The following ENTREP2 variants were observed in gnomAD, a reference collection of about 807,000 sequenced individuals.
ENTREP2 encodes the protein endosomal transmembrane epsin interactor 2.
chr15:29,659,116 A>G, the ENTREP2 span, among the ~76,000 whole-genome samples: 2 of 152,192 alleles, frequency 1.3e-5, no homozygotes, highest in African/African-American at 4.8e-5. Context: ...GATCCACTCA[A>G]TTGAAATAAA....
chr15:29,387,735 G>A, the ENTREP2 span, among the ~76,000 whole-genome samples: 2 of 152,174 alleles, frequency 1.3e-5, no homozygotes, highest in Non-Finnish European at 2.9e-5. Flanking sequence ...CAAGGCTACA[G>A]TAACCAAAAC....
chr15:29,316,567 G>C, the ENTREP2 span, among the ~76,000 whole-genome samples: 39 of 152,168 alleles, frequency 2.6e-4, no homozygotes, highest in African/African-American at 8.9e-4. Context: ...AAAATAATGT[G>C]ATGTCTCAGG....
At chr15:29,300,500 G>A in the ENTREP2 span, among the ~76,000 whole-genome samples, 1 of 152,178 alleles carries the variant, frequency 6.6e-6, no homozygotes, top group African/African-American at 2.4e-5. Flanking sequence ...GGGTTAAAAT[G>A]GAATATATGT....
the ENTREP2 span, among the ~76,000 whole-genome samples, chr15:29,516,185 A>G: frequency 6.6e-6 from 1 of 152,268 alleles, no homozygotes; most frequent in Non-Finnish European, 1.5e-5. Flanking sequence ...TATTTTTAAA[A>G]GTCTCCAGGG....
chr15:29,184,132 G>C, the ENTREP2 span, among the ~76,000 whole-genome samples: 1 of 151,808 alleles, frequency 6.6e-6, no homozygotes, highest in African/African-American at 2.4e-5. Context: ...CTACAGCCAC[G>C]CACCACCACA....
At chr15:29,407,380 T>C in the ENTREP2 span, among the ~76,000 whole-genome samples, 2 of 152,178 alleles carry the variant, frequency 1.3e-5, no homozygotes, top group East Asian at 1.9e-4. Context: ...TGTACGACTG[T>C]ATATCTATCA....
chr15:29,235,888 G>A, the ENTREP2 span, among the ~76,000 whole-genome samples: 17 of 151,986 alleles, frequency 1.1e-4, no homozygotes, highest in South Asian at 6.2e-4. Flanking sequence ...GCTTGAACCC[G>A]TGAGGCAGAG....
chr15:29,168,939 T>C, the ENTREP2 span, among the ~76,000 whole-genome samples: 1 of 152,366 alleles, frequency 6.6e-6, no homozygotes, highest in East Asian at 1.9e-4. Context: ...CTTTAGTGGA[T>C]GGCTGTAAAT....
At chr15:29,490,261 C>T in the ENTREP2 span, among the ~76,000 whole-genome samples, 3 of 152,132 alleles carry the variant, frequency 2.0e-5, no homozygotes, top group Non-Finnish European at 2.9e-5. Flanking sequence ...TTTATGGTCT[C>T]TCTGGCCTCA....
At chr15:29,268,898 C>G in the ENTREP2 span, 2 of 1,614,162 alleles carry the variant, frequency 1.2e-6, no homozygotes, top group African/African-American at 2.7e-5. Flanking sequence ...TGATTATGGA[C>G]CTTGGCCACA....
chr15:29,176,926 C>A, the ENTREP2 span, among the ~76,000 whole-genome samples: 1 of 152,226 alleles, frequency 6.6e-6, no homozygotes, highest in South Asian at 2.1e-4. Flanking sequence ...TGATCTATTT[C>A]TGTAATGCAT....
chr15:29,508,689 T>C, the ENTREP2 span, among the ~76,000 whole-genome samples: 1 of 152,182 alleles, frequency 6.6e-6, no homozygotes, highest in Admixed American at 6.5e-5. Context: ...AGGTCTTCGA[T>C]AAAATTCAAC....
chr15:29,159,261 G>A, the ENTREP2 span, among the ~76,000 whole-genome samples: 1 of 152,108 alleles, frequency 6.6e-6, no homozygotes, highest in African/African-American at 2.4e-5. Context: ...TCTTAAGGCG[G>A]CGTGTCTGAA....
At chr15:29,147,443 C>T in the ENTREP2 span, among the ~76,000 whole-genome samples, 1 of 151,630 alleles carries the variant, frequency 6.6e-6, no homozygotes, top group African/African-American at 2.4e-5. Context: ...ACCACTTCAC[C>T]ACCATGATGG....
chr15:29,201,185 G>T, the ENTREP2 span, among the ~76,000 whole-genome samples: 1 of 152,016 alleles, frequency 6.6e-6, no homozygotes, highest in South Asian at 2.1e-4. Flanking sequence ...GATTCTTTGG[G>T]ATTTTCTACA....
the ENTREP2 span, among the ~76,000 whole-genome samples, chr15:29,658,395 A>T: frequency 6.6e-6 from 1 of 152,164 alleles, no homozygotes; most frequent in African/African-American, 2.4e-5. Flanking sequence ...TAAATTACCC[A>T]GTCTCGAGTA....
chr15:29,259,935 C>T, the ENTREP2 span, among the ~76,000 whole-genome samples: 90,988 of 152,010 alleles, frequency 0.6, 27,246 homozygotes, highest in South Asian at 0.64. Context: ...CATAGTGTAA[C>T]AGTTTATTAC....
the ENTREP2 span, among the ~76,000 whole-genome samples, chr15:29,219,491 G>C: frequency 2.0e-5 from 3 of 150,732 alleles, no homozygotes; most frequent in African/African-American, 4.9e-5. Context: ...AGGAAAAGAA[G>C]TGATTATATG....
chr15:29,404,875 C>A, the ENTREP2 span, among the ~76,000 whole-genome samples: 8 of 152,146 alleles, frequency 5.3e-5, no homozygotes, highest in Non-Finnish European at 5.9e-5. Flanking sequence ...GTCCCAGATA[C>A]CCCACGTCCC....
Sources: gnomAD v4.1 joint callset for allele counts (sites outside exome capture counted in the v4.1 genomes callset) on GRCh38, gnomAD v4.1.1 for gene constraint, MANE v1.5 for transcripts, NCBI Gene and HGNC (gene_info 2026-07-23, HGNC 2026-07-21) for gene names.